Variants in CARD8 observed in about 807,000 individuals in gnomAD.
CARD8 encodes the protein caspase recruitment domain-containing protein 8.
A neutral mutation model predicts 53.2 loss-of-function variants in CARD8; 38 were observed. That is an observed-to-expected ratio of 0.71 (90% CI 0.55 to 0.94). The LOEUF (loss-of-function observed/expected upper bound fraction) is 0.94. CARD8 is among the 40% of genes least tolerant of loss of function. The pLI, the probability that CARD8 is intolerant of heterozygous loss-of-function variation, is 0.00. For missense variants in CARD8, 561 were observed against 655.5 expected (o/e 0.86, Z 1.57); for synonymous variants, 245 against 244.9 (o/e 1.00, Z 0.00).
Position 48,239,454 on chromosome 19 carries a change from T to C in CARD8, c.60-922A>G, listed in dbSNP as rs564395301. Among the ~76,000 whole-genome samples, 5 of 151,006 alleles carry C rather than the reference T, an allele frequency of 3.3e-5. No homozygotes were observed. The East Asian group carries it at 7.8e-4, about 24-fold the overall frequency. On this transcript the variant is annotated intron_variant, in intron 4 of 13. Coordinates refer to ENST00000651546, the MANE Select transcript of CARD8 (RefSeq NM_001184900.3). ...GGTCTTTTATGCATGCCAGATCATCTGTCTCAGTCATTTCAGACTTTTTTT... is the reference window on the plus strand; with the variant it reads ...GGTCTTTTATGCATGCCAGATCATCCGTCTCAGTCATTTCAGACTTTTTTT...
intron 10 of CARD8, among the ~76,000 whole-genome samples, chr19:48,227,727 C>A (rs762791826): frequency 4.7e-5 from 7 of 150,334 alleles, no homozygotes; most frequent in Non-Finnish European, 5.9e-5. Context: ...CACTTGAACC[C>A]AGGAAGCAGA....
intron 3 of CARD8, 47 bp from the exon 4 acceptor site, chr19:48,241,110 T>C: frequency 3.0e-6 from 3 of 1,013,134 alleles, no homozygotes; most frequent in South Asian, 2.8e-5. Flanking sequence ...GGAAGAACCA[T>C]CAGATAAATC....
chr19:48,233,402 T>C (rs751440043), intron 6 of CARD8: 2 of 456,198 alleles, frequency 4.4e-6, no homozygotes, highest in South Asian at 3.1e-5. Context: ...AAAGAACAGG[T>C]ACCTAGAGAA....
chr19:48,204,359 G>C (rs566630843), downstream of CARD8: 1 of 353,094 alleles, frequency 2.8e-6, no homozygotes, highest in East Asian at 8.4e-5. Context: ...AGGGGAGTTG[G>C]GGTGATATTA....
intron 3 of CARD8, among the ~76,000 whole-genome samples, chr19:48,241,535 G>A (rs543166023): frequency 2.6e-5 from 4 of 152,218 alleles, no homozygotes; most frequent in Admixed American, 6.5e-5. Context: ...GATTGCAGGC[G>A]TGAGCCACCG....
intron 3 of CARD8, among the ~76,000 whole-genome samples, chr19:48,243,652 T>C (rs1347364832): frequency 2.0e-5 from 3 of 152,166 alleles, no homozygotes; most frequent in Admixed American, 6.5e-5. Context: ...AATTACTTCT[T>C]ATTTAGTATT....
At chr19:48,222,015 G>C (rs2040747413) in intron 10 of CARD8, among the ~76,000 whole-genome samples, 160 bp from the exon 11 acceptor site, 3 of 152,198 alleles carry the variant, frequency 2.0e-5, no homozygotes, top group Admixed American at 6.5e-5. Flanking sequence ...GTGATAGGTA[G>C]ATACACAGAT....
At chr19:48,243,351 T>C (rs77585144) in intron 3 of CARD8, among the ~76,000 whole-genome samples, 13,606 of 152,226 alleles carry the variant, frequency 0.089, 826 homozygotes, top group East Asian at 0.32. Context: ...CAAAACCCTA[T>C]ACAAATGTTT....
At chr19:48,237,728 C>G (rs528596795) in intron 5 of CARD8, among the ~76,000 whole-genome samples, 85 of 151,320 alleles carry the variant, frequency 5.6e-4, no homozygotes, top group African/African-American at 2.1e-3. Context: ...ACCCCAGAAG[C>G]AGAGGTTGTA....
chr19:48,247,989 T>C (rs1015948415), intron 3 of CARD8, among the ~76,000 whole-genome samples: 4 of 152,174 alleles, frequency 2.6e-5, no homozygotes, highest in African/African-American at 4.8e-5. Flanking sequence ...CATTTTCATA[T>C]TGCATTTAAA....
In CARD8 at chr19:48,221,886, G is replaced by A. The variant is rs768868556; in HGVS notation, c.1036-31C>T. 70 of 1,538,930 alleles carry A rather than the reference G, an allele frequency of 4.5e-5. No individual in the cohort carries two copies. The South Asian group carries it at 7.8e-4, about 17-fold the overall frequency. Reference sequence around the variant, plus strand: ...GAAGAAGGGGCAGAAACATTAGAGAGCACAAAAAATAGTAAAGCAAGTAGT... The same window carrying A: ...GAAGAAGGGGCAGAAACATTAGAGAACACAAAAAATAGTAAAGCAAGTAGT... On this transcript the variant is annotated intron_variant, in intron 10 of 13. Coordinates refer to ENST00000651546, the MANE Select transcript of CARD8 (RefSeq NM_001184900.3).
At chr19:48,227,960 G>A (rs2042123165) in intron 10 of CARD8, among the ~76,000 whole-genome samples, 2 of 151,484 alleles carry the variant, frequency 1.3e-5, no homozygotes, top group Non-Finnish European at 2.9e-5. Context: ...GAGAGGAGCA[G>A]TGAGGGAGCA....
intron 5 of CARD8, among the ~76,000 whole-genome samples, chr19:48,236,120 T>C (rs764308504): frequency 6.6e-6 from 1 of 152,248 alleles, no homozygotes; most frequent in Admixed American, 6.5e-5. Context: ...GAGAACTCTA[T>C]TGGACAGCAT....
intron 1 of CARD8, among the ~76,000 whole-genome samples, chr19:48,251,123 G>A (rs369209143): frequency 9.2e-5 from 14 of 152,142 alleles, no homozygotes; most frequent in African/African-American, 2.2e-4. Flanking sequence ...ATAGCATGTC[G>A]TATTAGCAAC....
chr19:48,205,164 C>T (rs1448629469), downstream of CARD8, among the ~76,000 whole-genome samples: 1 of 152,096 alleles, frequency 6.6e-6, no homozygotes, highest in African/African-American at 2.4e-5. Context: ...TGACTGTGTG[C>T]CAGAGACTAT....
intron 5 of CARD8, 181 bp downstream of exon 5, chr19:48,238,202 A>C: frequency 8.6e-7 from 1 of 1,158,070 alleles, no homozygotes. Flanking sequence ...TTTTTTCCCT[A>C]CTTCTTATGA....
intron 6 of CARD8, chr19:48,233,629 C>A: frequency 6.4e-6 from 2 of 311,458 alleles, no homozygotes; most frequent in South Asian, 5.2e-5. Flanking sequence ...AGTCTGCCTG[C>A]TGAGGAGGGG....
rs372418326 is a variant in CARD8, at chr19:48,234,364, C to T, written c.350+39G>A. Reference sequence around the variant, plus strand: ...CATGTTCCTCTGTGATATTGAGACACAGCGTCCAATAGTTTTCCAACGGAA... The same window carrying T: ...CATGTTCCTCTGTGATATTGAGACATAGCGTCCAATAGTTTTCCAACGGAA... On this transcript the variant is annotated intron_variant, in intron 6 of 13. Transcript: ENST00000651546. 14 of 1,576,402 alleles carry T rather than the reference C, an allele frequency of 8.9e-6. No homozygotes were observed. In the East Asian group the frequency reaches 2.3e-4, roughly 26 times the overall value.
intron 3 of CARD8, among the ~76,000 whole-genome samples, chr19:48,242,809 C>T (rs1350479169): frequency 6.6e-6 from 1 of 152,190 alleles, no homozygotes; most frequent in Admixed American, 6.5e-5. Flanking sequence ...GCGCCAATTT[C>T]CGTGCTCGCT....
Sources: gnomAD v4.1 joint callset for allele counts (sites outside exome capture counted in the v4.1 genomes callset) on GRCh38, gnomAD v4.1.1 for gene constraint, MANE v1.5 for transcripts, NCBI Gene and HGNC (gene_info 2026-07-23, HGNC 2026-07-21) for gene names.